The following NKAIN3 variants were observed in gnomAD, a reference collection of about 807,000 sequenced individuals.
The protein encoded by NKAIN3 is sodium/potassium transporting ATPase interacting 3, also known as sodium/potassium-transporting ATPase subunit beta-1-interacting protein 3.
NKAIN3 carries 25 observed loss-of-function variants against 30.2 expected under a neutral mutation model. That is an observed-to-expected ratio of 0.83 (90% CI 0.60 to 1.16). The LOEUF (loss-of-function observed/expected upper bound fraction) is 1.16. Ranked by LOEUF, NKAIN3 falls within the 50% of genes most tolerant of loss-of-function variation. The pLI, the probability that NKAIN3 is intolerant of heterozygous loss-of-function variation, is 0.00. For synonymous variants in NKAIN3, 91 were observed against 89.6 expected (o/e 1.02, Z -0.09); for missense variants, 225 against 254.1 (o/e 0.89, Z 0.78).
At chr8:62,450,302 G>A (rs1805603311) in intron 1 of NKAIN3, among the ~76,000 whole-genome samples, 1 of 152,074 alleles carries the variant, frequency 6.6e-6, no homozygotes, top group Admixed American at 6.5e-5. Flanking sequence ...TAAGGGATGG[G>A]TAAGATAGAA....
intron 1 of NKAIN3, among the ~76,000 whole-genome samples, chr8:62,412,206 G>C (rs1464955345): frequency 6.6e-6 from 1 of 152,030 alleles, no homozygotes; most frequent in Non-Finnish European, 1.5e-5. Context: ...CATGGTACTG[G>C]TACAAAAAGA....
In NKAIN3 at chr8:62,745,877, G is replaced by A. The variant is rs1213041383; in HGVS notation, c.274-1055G>A. 2.6e-5 allele frequency among the ~76,000 whole-genome samples: 4 copies of A among 152,160 alleles called. No individual in the cohort carries two copies. In the East Asian group the frequency reaches 7.7e-4, roughly 29 times the overall value. ...TAATGTGAGAGAGTGCCGCATTATA[G>A]CTAAAAGTAAACACTGCACAGGATT... On this transcript the variant is annotated intron_variant, in intron 3 of 6. Transcript: ENST00000623646.
chr8:62,878,153 T>G (rs557253540), intron 4 of NKAIN3, among the ~76,000 whole-genome samples: 1 of 152,100 alleles, frequency 6.6e-6, no homozygotes, highest in Non-Finnish European at 1.5e-5. Flanking sequence ...TTTCTTCAGG[T>G]GTTTTAGAAT....
intron 5 of NKAIN3, among the ~76,000 whole-genome samples, chr8:62,941,926 G>A (rs889579214): frequency 6.6e-6 from 1 of 151,982 alleles, no homozygotes; most frequent in African/African-American, 2.4e-5. Flanking sequence ...AATCAGACAA[G>A]AGAAAGAAAT....
At chr8:62,604,903 G>T (rs1038468012) in intron 3 of NKAIN3, among the ~76,000 whole-genome samples, 1 of 152,006 alleles carries the variant, frequency 6.6e-6, no homozygotes, top group Non-Finnish European at 1.5e-5. Context: ...TCTGGTTATC[G>T]TCCATAATCT....
At chr8:62,274,383 T>C (rs1168974168) in intron 1 of NKAIN3, among the ~76,000 whole-genome samples, 1 of 152,142 alleles carries the variant, frequency 6.6e-6, no homozygotes, top group East Asian at 1.9e-4. Flanking sequence ...TGATCTGTGA[T>C]TCCTGTGAAC....
chr8:62,990,539 T>C (rs1471093535), intron 5 of NKAIN3: 4 of 302,430 alleles, frequency 1.3e-5, no homozygotes, highest in Non-Finnish European at 2.0e-5. Context: ...ATTTGTGAAA[T>C]CTGATTTTAC....
At chr8:62,761,905 C>T (rs73254893) in intron 4 of NKAIN3, among the ~76,000 whole-genome samples, 2 of 152,252 alleles carry the variant, frequency 1.3e-5, no homozygotes, top group Non-Finnish European at 2.9e-5. Flanking sequence ...GGGAGAGAAA[C>T]AATTTGGCCC....
Position 62,742,956 on chromosome 8 carries a change from G to C in NKAIN3, c.274-3976G>C, listed in dbSNP as rs371339572. 2.0e-5 allele frequency among the ~76,000 whole-genome samples: 3 copies of C among 152,236 alleles called. 1 individual carries two copies. Reference sequence around the variant, plus strand: ...GAGAAGAATGAGAACCAAGCAAAGGGGGAAGCCCCTTCTAAGACCATTAAA... The same window carrying C: ...GAGAAGAATGAGAACCAAGCAAAGGCGGAAGCCCCTTCTAAGACCATTAAA... On this transcript the variant is annotated intron_variant, in intron 3 of 6. Coordinates refer to ENST00000623646, the MANE Select transcript of NKAIN3 (RefSeq NM_001304533.3).
chr8:62,638,775 T>G (rs1812214442), intron 3 of NKAIN3, among the ~76,000 whole-genome samples: 1 of 152,138 alleles, frequency 6.6e-6, no homozygotes, highest in African/African-American at 2.4e-5. Context: ...AACCCCAGTA[T>G]AGCTTTTGTG....
intron 4 of NKAIN3, chr8:62,856,629 C>T: frequency 1.3e-6 from 1 of 775,610 alleles, no homozygotes; most frequent in South Asian, 1.3e-5. Flanking sequence ...CTGGACATCA[C>T]TAAAGAGGTT....
At chr8:62,430,683 T>C (rs889053313) in intron 1 of NKAIN3, among the ~76,000 whole-genome samples, 2 of 151,756 alleles carry the variant, frequency 1.3e-5, no homozygotes. Context: ...GGGGTAGATG[T>C]TAAAATTTAC....
intron 5 of NKAIN3, among the ~76,000 whole-genome samples, chr8:62,943,809 A>AAT (rs545394342): frequency 1.4e-4 from 21 of 148,120 alleles, no homozygotes; most frequent in South Asian, 1.1e-3. Flanking sequence ...ATGGTATATA[A>AAT]ATATATATAT....
chr8:62,990,353 A>T, intron 5 of NKAIN3: 3 of 1,326,726 alleles, frequency 2.3e-6, no homozygotes, highest in Non-Finnish European at 2.9e-6. Context: ...ACATCTTCCT[A>T]ATCTTTCTAG....
intron 4 of NKAIN3, among the ~76,000 whole-genome samples, chr8:62,804,356 A>G (rs1818193748): frequency 6.6e-6 from 1 of 152,216 alleles, no homozygotes; most frequent in African/African-American, 2.4e-5. Context: ...AAAAAAGAGA[A>G]TTTTAGACCA....
intron 1 of NKAIN3, among the ~76,000 whole-genome samples, chr8:62,412,623 G>A (rs1263635116): frequency 8.6e-5 from 13 of 151,860 alleles, no homozygotes; most frequent in South Asian, 2.1e-4. Context: ...GGCTGGGTGC[G>A]GTGGCTCACA....
At position 62,666,649 on chromosome 8, in the gene NKAIN3, C is replaced by T. The variant is rs140583475; in HGVS notation, c.273+76855C>T. Among the ~76,000 whole-genome samples the T allele has an allele frequency of 3.8e-3, 584 of 152,172 alleles. 4 individuals are homozygous for T. Among genetic ancestry groups the T allele is most frequent in the Admixed American group, 0.027 (413 of 15,278 alleles). ...TCCCTTACCTTGAAGCCTCAGGTAA[C>T]GAAGGACCTGGTTCTGTCCTGGGTT... is the stretch of plus-strand genomic sequence containing the variant. On this transcript the variant is annotated intron_variant, in intron 3 of 6. Transcript: ENST00000623646.
intron 1 of NKAIN3, among the ~76,000 whole-genome samples, chr8:62,554,448 C>T (rs1441850699): frequency 6.6e-6 from 1 of 152,056 alleles, no homozygotes; most frequent in East Asian, 1.9e-4. Flanking sequence ...TAGACCTAAC[C>T]CATCCCCAGA....
At chr8:62,837,977 T>C (rs1237449026) in intron 4 of NKAIN3, among the ~76,000 whole-genome samples, 1 of 152,012 alleles carries the variant, frequency 6.6e-6, no homozygotes, top group African/African-American at 2.4e-5. Flanking sequence ...TACGTCCTAA[T>C]GCTGATAAGA....
Sources: allele counts gnomAD v4.1 joint callset (sites outside exome capture counted in the v4.1 genomes callset), GRCh38; gene constraint gnomAD v4.1.1; transcripts MANE v1.5; gene names NCBI Gene and HGNC (gene_info 2026-07-23, HGNC 2026-07-21).